ABTB2: variants seen among roughly 807,000 people sequenced by gnomAD.
The protein encoded by ABTB2 is ankyrin repeat and BTB/POZ domain-containing protein 2.
In ABTB2, 56 loss-of-function variants were observed where a neutral mutation model predicts 104.1. That is an observed-to-expected ratio of 0.54 (90% confidence interval 0.43 to 0.67). The LOEUF (loss-of-function observed/expected upper bound fraction) is 0.67. Ranked by LOEUF, ABTB2 falls within the 30% of genes least tolerant of loss-of-function variation. ABTB2 has a pLI of 0.00. For missense variants in ABTB2, 1,279 were observed against 1,407.7 expected (o/e 0.91, Z 1.46); for synonymous variants, 606 against 608.2 (o/e 1.00, Z 0.05).
chr11:34,258,605 C>CTTTTTTTTTT (rs35853565), intron 1 of ABTB2, among the ~76,000 whole-genome samples: 2 of 95,172 alleles, frequency 2.1e-5, no homozygotes, highest in African/African-American at 8.7e-5. Context: ...AGTGCCTGCT[C>CTTTTTTTTTT]TTTTTTTTTT....
At chr11:34,270,984 A>G (rs1400853338) in intron 1 of ABTB2, among the ~76,000 whole-genome samples, 1 of 152,134 alleles carries the variant, frequency 6.6e-6, no homozygotes, top group African/African-American at 2.4e-5. Context: ...TCTTTCCTGA[A>G]AACACTCATT....
At chr11:34,229,306 C>CT (rs766759068) in intron 1 of ABTB2, among the ~76,000 whole-genome samples, 1 of 150,824 alleles carries the variant, frequency 6.6e-6, no homozygotes, top group Non-Finnish European at 1.5e-5. Context: ...CACGATGAAA[C>CT]CCGTCTCTAC....
intron 1 of ABTB2, among the ~76,000 whole-genome samples, chr11:34,227,571 C>T (rs921625268): frequency 2.6e-5 from 4 of 152,220 alleles, no homozygotes; most frequent in African/African-American, 9.6e-5. Context: ...TTTTGTTTAT[C>T]TATTCAATTA....
intron 3 of ABTB2, among the ~76,000 whole-genome samples, chr11:34,195,608 G>A (rs773026797): frequency 3.3e-5 from 5 of 152,198 alleles, no homozygotes; most frequent in Non-Finnish European, 7.3e-5. Context: ...TCCTCTTAGT[G>A]ACAGGAGGTA....
chr11:34,258,349 A>G (rs1229593717), intron 1 of ABTB2, among the ~76,000 whole-genome samples: 1 of 152,006 alleles, frequency 6.6e-6, no homozygotes, highest in African/African-American at 2.4e-5. Context: ...AGTGAGAGAG[A>G]GGTAAGAGGA....
intron 1 of ABTB2, among the ~76,000 whole-genome samples, chr11:34,224,265 C>T (rs1853660375): frequency 1.3e-5 from 2 of 152,124 alleles, no homozygotes; most frequent in African/African-American, 4.8e-5. Context: ...TTGCTTCGGC[C>T]TCCCAAAGTG....
At chr11:34,327,157 T>C (rs1855079185) in intron 1 of ABTB2, among the ~76,000 whole-genome samples, 1 of 152,238 alleles carries the variant, frequency 6.6e-6, no homozygotes, top group Admixed American at 6.5e-5. Context: ...GACTATTTGC[T>C]GTATACAAGA....
At chr11:34,303,725 C>T (rs1412405701) in intron 1 of ABTB2, among the ~76,000 whole-genome samples, 1 of 147,826 alleles carries the variant, frequency 6.8e-6, no homozygotes, top group East Asian at 2.0e-4. Flanking sequence ...TCACTGCAGC[C>T]TCTGTCTCCT....
chr11:34,222,153 A>T (rs930082209), intron 1 of ABTB2, among the ~76,000 whole-genome samples: 7 of 152,174 alleles, frequency 4.6e-5, no homozygotes, highest in South Asian at 2.1e-4. Context: ...AGATTTAAAA[A>T]TTTTCTGATT....
chr11:34,246,174 A>C (rs1427869231), intron 1 of ABTB2, among the ~76,000 whole-genome samples: 1 of 152,212 alleles, frequency 6.6e-6, no homozygotes, highest in Non-Finnish European at 1.5e-5. Context: ...TCTGCTGAAC[A>C]AAAAAGTAAC....
chr11:34,155,566 G>A (rs576900972), intron 14 of ABTB2, among the ~76,000 whole-genome samples: 2 of 152,364 alleles, frequency 1.3e-5, no homozygotes, highest in Admixed American at 6.5e-5. Context: ...CAAGGAGCTG[G>A]CAAGTGTGTA....
intron 3 of ABTB2, among the ~76,000 whole-genome samples, chr11:34,182,343 T>A (rs982798467): frequency 6.6e-6 from 1 of 152,200 alleles, no homozygotes; most frequent in Non-Finnish European, 1.5e-5. Flanking sequence ...TGGTTTGGCA[T>A]GGCTTGGAGG....
chr11:34,262,594 T>C (rs1425115748), intron 1 of ABTB2, among the ~76,000 whole-genome samples: 2 of 152,172 alleles, frequency 1.3e-5, no homozygotes, highest in African/African-American at 4.8e-5. Context: ...CCCCACAATC[T>C]TTCCCCAGTG....
chr11:34,315,912 A>G (rs1854923242), intron 1 of ABTB2, among the ~76,000 whole-genome samples: 1 of 152,182 alleles, frequency 6.6e-6, no homozygotes, highest in South Asian at 2.1e-4. Flanking sequence ...GAGGTGGCTT[A>G]GCATAACTTC....
At chr11:34,295,020 A>G (rs1854604419) in intron 1 of ABTB2, among the ~76,000 whole-genome samples, 1 of 152,036 alleles carries the variant, frequency 6.6e-6, no homozygotes, top group Non-Finnish European at 1.5e-5. Context: ...GGCCTCTACA[A>G]AAACAATTTA....
At chr11:34,349,671 C>G (rs61880781) in intron 1 of ABTB2, among the ~76,000 whole-genome samples, 6,130 of 152,284 alleles carry the variant, frequency 0.04, 192 homozygotes, top group Middle Eastern at 0.099. Flanking sequence ...TCAGTCCTAT[C>G]TTATAGAGCT....
intron 1 of ABTB2, among the ~76,000 whole-genome samples, chr11:34,240,885 G>A (rs570740772): frequency 3.9e-5 from 6 of 152,218 alleles, no homozygotes; most frequent in African/African-American, 1.4e-4. Flanking sequence ...GTGAGCCACC[G>A]TACCTGGCCT....
chr11:34,235,113 A>G (rs2611097), intron 1 of ABTB2, among the ~76,000 whole-genome samples: 15,512 of 152,056 alleles, frequency 0.1, 2,212 homozygotes, highest in African/African-American at 0.31. Context: ...CGCCTGCCTT[A>G]GCCACCCAAA....
intron 1 of ABTB2, among the ~76,000 whole-genome samples, chr11:34,315,497 AG>A (rs971286207): frequency 2.0e-5 from 3 of 152,194 alleles, no homozygotes; most frequent in Admixed American, 2.0e-4. Context: ...TGGGGAATAC[AG>A]GCCCCAATCA....
Sources: gnomAD v4.1 joint callset for allele counts (sites outside exome capture counted in the v4.1 genomes callset) on GRCh38, gnomAD v4.1.1 for gene constraint, MANE v1.5 for transcripts, NCBI Gene and HGNC (gene_info 2026-07-23, HGNC 2026-07-21) for gene names.